SUPT3H: variants seen among roughly 807,000 people sequenced by gnomAD.
SUPT3H encodes the protein SPT3 homolog, SAGA and STAGA complex component, also known as transcription initiation protein SPT3 homolog.
In SUPT3H, 44 loss-of-function variants were observed where a neutral mutation model predicts 44.3. The observed-to-expected ratio is 0.99, with a 90% CI of 0.78 to 1.28. SUPT3H has a LOEUF of 1.28. Among genes scored for constraint, SUPT3H ranks in the 50% most tolerant of loss-of-function variants. The probability of loss-of-function intolerance (pLI) is 0.00; values close to 1 mark genes in which losing one functional copy is unlikely to be tolerated. For synonymous variants in SUPT3H, 124 were observed against 125.6 expected (o/e 0.99, Z 0.09); for missense variants, 380 against 387.1 (o/e 0.98, Z 0.15).
intron 2 of SUPT3H, among the ~76,000 whole-genome samples, chr6:45,169,164 A>G (rs912221858): frequency 6.6e-6 from 1 of 152,340 alleles, no homozygotes; most frequent in African/African-American, 2.4e-5. Context: ...AGCCCAACTC[A>G]TTCATTTACA....
intron 2 of SUPT3H, among the ~76,000 whole-genome samples, chr6:45,285,355 G>C (rs1225953415): frequency 1.3e-5 from 2 of 152,182 alleles, no homozygotes; most frequent in African/African-American, 4.8e-5. Context: ...CACCGTCTCA[G>C]CCCAAAATCT....
chr6:45,133,682 C>G (rs1448369760), intron 2 of SUPT3H, among the ~76,000 whole-genome samples: 1 of 152,052 alleles, frequency 6.6e-6, no homozygotes, highest in African/African-American at 2.4e-5. Flanking sequence ...ATATTTTTTC[C>G]GGAACATCTG....
At chr6:44,874,790 A>G (rs1161114132) in intron 10 of SUPT3H, among the ~76,000 whole-genome samples, 37 of 130,146 alleles carry the variant, frequency 2.8e-4, no homozygotes, top group Non-Finnish European at 2.7e-4. Context: ...GCTGATAAGC[A>G]ACTTCAGCAA....
chr6:45,100,540 T>TCAAAAAAA (rs1798411981), intron 3 of SUPT3H, among the ~76,000 whole-genome samples: 1 of 12,126 alleles, frequency 8.2e-5, no homozygotes, highest in Middle Eastern at 0.05. Context: ...GACCCTGTAC[T>TCAAAAAAA]TAAAAAAAAA....
At chr6:44,888,510 A>G (rs1762717909) in intron 10 of SUPT3H, among the ~76,000 whole-genome samples, 2 of 152,198 alleles carry the variant, frequency 1.3e-5, no homozygotes, top group African/African-American at 4.8e-5. Context: ...ACCAAAGACA[A>G]AAACCACATG....
intron 2 of SUPT3H, chr6:45,321,896 A>C (rs575349438): frequency 3.8e-5 from 58 of 1,515,126 alleles, no homozygotes; most frequent in Non-Finnish European, 4.0e-5. Flanking sequence ...ATGAAGCTAG[A>C]AAAAAAATTG....
intron 6 of SUPT3H, among the ~76,000 whole-genome samples, chr6:44,988,519 T>TAAAAAAAAAAAA (rs66489332): frequency 1.0e-5 from 1 of 100,204 alleles, no homozygotes. Flanking sequence ...AAGGCTTAAA[T>TAAAAAAAAAAAA]AAAAAAAAAA....
chr6:45,296,331 T>C (rs991542825), intron 2 of SUPT3H, among the ~76,000 whole-genome samples: 5 of 151,906 alleles, frequency 3.3e-5, no homozygotes, highest in Admixed American at 3.3e-4. Context: ...CCAAACATCG[T>C]TATTTTCTCA....
intron 2 of SUPT3H, among the ~76,000 whole-genome samples, chr6:45,191,704 T>C (rs1815169751): frequency 6.6e-6 from 1 of 152,030 alleles, no homozygotes; most frequent in African/African-American, 2.4e-5. Context: ...AAAAATAAGA[T>C]AAATGTGGGC....
intron 9 of SUPT3H, among the ~76,000 whole-genome samples, chr6:44,936,884 A>T (rs2153463495): frequency 6.6e-6 from 1 of 152,050 alleles, no homozygotes; most frequent in Non-Finnish European, 1.5e-5. Flanking sequence ...CCAGGCTGGT[A>T]TCAAATTCCT....
At chr6:45,008,427 A>G (rs1160826135) in intron 5 of SUPT3H, among the ~76,000 whole-genome samples, 1 of 152,034 alleles carries the variant, frequency 6.6e-6, no homozygotes, top group Non-Finnish European at 1.5e-5. Context: ...CAGTCACAGC[A>G]TACTGCAGCC....
chr6:45,031,166 ATAAAT>A (rs1484481413), intron 3 of SUPT3H, among the ~76,000 whole-genome samples: 2 of 152,218 alleles, frequency 1.3e-5, no homozygotes, highest in Non-Finnish European at 2.9e-5. Context: ...TTTAGAAAAG[ATAAAT>A]TAAATTGTGA....
intron 10 of SUPT3H, among the ~76,000 whole-genome samples, chr6:44,877,207 C>G (rs933013437): frequency 2.0e-5 from 3 of 152,140 alleles, no homozygotes; most frequent in Admixed American, 6.5e-5. Context: ...TGGATCATGC[C>G]TGTAATCCCA....
intron 1 of SUPT3H, among the ~76,000 whole-genome samples, chr6:45,376,474 CACTT>C (rs1354938657): frequency 5.3e-5 from 8 of 152,202 alleles, no homozygotes; most frequent in Non-Finnish European, 8.8e-5. Flanking sequence ...TCCTCAGTGA[CACTT>C]ATCACATTTC....
At chr6:45,317,517 T>C (rs776273548) in intron 2 of SUPT3H, among the ~76,000 whole-genome samples, 6 of 152,012 alleles carry the variant, frequency 3.9e-5, no homozygotes, top group Non-Finnish European at 2.9e-5. Flanking sequence ...AACAGAACAG[T>C]GAATCCAGAA....
intron 8 of SUPT3H, 39 bp downstream of exon 8, chr6:44,954,456 C>T (rs762469027): frequency 1.4e-6 from 2 of 1,455,018 alleles, no homozygotes; most frequent in Admixed American, 3.3e-5. Context: ...AAAGAAAAAC[C>T]AGCCAGTGTG....
At chr6:45,237,985 A>G (rs1055126490) in intron 2 of SUPT3H, among the ~76,000 whole-genome samples, 4 of 152,208 alleles carry the variant, frequency 2.6e-5, no homozygotes, top group African/African-American at 9.6e-5. Context: ...TTAGCTGAGC[A>G]AGACTGTGAA....
intron 2 of SUPT3H, among the ~76,000 whole-genome samples, chr6:45,273,993 C>A (rs550811097): frequency 7.2e-5 from 11 of 152,312 alleles, no homozygotes; most frequent in Admixed American, 3.3e-4. Context: ...TTGATCATAG[C>A]TATCCTAGTG....
intron 3 of SUPT3H, among the ~76,000 whole-genome samples, chr6:45,099,727 A>G (rs1798283776): frequency 6.6e-6 from 1 of 152,230 alleles, no homozygotes; most frequent in Non-Finnish European, 1.5e-5. Flanking sequence ...TAAATAAATG[A>G]ATAAAACATG....
Sources: gnomAD v4.1 joint callset for allele counts (sites outside exome capture counted in the v4.1 genomes callset) on GRCh38, gnomAD v4.1.1 for gene constraint, MANE v1.5 for transcripts, NCBI Gene and HGNC (gene_info 2026-07-23, HGNC 2026-07-21) for gene names.